USP28: variants seen among roughly 807,000 people sequenced by gnomAD.
USP28 encodes the protein ubiquitin specific peptidase 28, also known as ubiquitin carboxyl-terminal hydrolase 28.
USP28 carries 113 observed loss-of-function variants against 145.0 expected under a neutral mutation model. The observed-to-expected ratio is 0.78, with a 90% CI of 0.67 to 0.91. USP28 has a LOEUF of 0.91. USP28 is among the 40% of genes least tolerant of loss of function. USP28 has a pLI of 0.00. For synonymous variants in USP28, 447 were observed against 450.9 expected, an observed-to-expected ratio of 0.99 and a Z score of 0.11; for missense variants, 1,201 against 1,289.6, an observed-to-expected ratio of 0.93 and a Z score of 1.05.
chr11:113,799,444 T>C (rs1034019682), intron 24 of USP28, 29 bp from the exon 26 acceptor site: 22 of 1,601,904 alleles, frequency 1.4e-5, no homozygotes, highest in South Asian at 4.5e-5. Flanking sequence ...TGGTTACATA[T>C]ACAGCTAAAC....
intron 10 of USP28, 72 bp from the exon 11 acceptor site, chr11:113,827,432 T>C: frequency 6.9e-7 from 1 of 1,447,672 alleles, no homozygotes; most frequent in Non-Finnish European, 9.2e-7. Flanking sequence ...AGATTTAAAA[T>C]ATCTCTCATT....
chr11:113,831,838 A>G, intron 8 of USP28, 82 bp downstream of exon 8: 1 of 1,371,664 alleles, frequency 7.3e-7, no homozygotes, highest in Non-Finnish European at 1.0e-6. Flanking sequence ...ATTTCTAGTT[A>G]AGGAGAGTAA....
exon 3 of USP28, chr11:113,852,529 C>G: frequency 6.2e-7 from 1 of 1,614,122 alleles, no homozygotes; most frequent in Non-Finnish European, 8.5e-7. Flanking sequence ...TGGCAGCACT[C>G]CCCTCTACTT....
chr11:113,832,805 C>G (rs1944155328), intron 7 of USP28, among the ~76,000 whole-genome samples: 1 of 152,132 alleles, frequency 6.6e-6, no homozygotes, highest in Non-Finnish European at 1.5e-5. Context: ...GGGTCTCACT[C>G]TGTCACCCAG....
chr11:113,835,449 G>C (rs1944458361), intron 5 of USP28: 5 of 423,422 alleles, frequency 1.2e-5, no homozygotes, highest in Middle Eastern at 3.6e-4. Context: ...GTACTGACTA[G>C]AGCCCACGTG....
intron 19 of USP28, 90 bp from the exon 21 acceptor site, chr11:113,805,136 A>G (rs912085043): frequency 8.2e-7 from 1 of 1,221,214 alleles, no homozygotes; most frequent in Non-Finnish European, 1.1e-6. Context: ...CAGTCTCTTG[A>G]CTCTAAAAAG....
chr11:113,805,346 C>T (rs1471549138), intron 19 of USP28, among the ~76,000 whole-genome samples: 1 of 150,982 alleles, frequency 6.6e-6, no homozygotes, highest in African/African-American at 2.4e-5. Flanking sequence ...GCCCTGAACT[C>T]CTGGGCTCAG....
chr11:113,832,039 G>C (rs921317754), intron 7 of USP28, 46 bp from the exon 8 acceptor site: 4 of 1,497,334 alleles, frequency 2.7e-6, no homozygotes, highest in Non-Finnish European at 3.7e-6. Context: ...GCAATACTAA[G>C]AGAAATTAAA....
chr11:113,834,451 CT>C, intron 5 of USP28, 116 bp from the exon 6 acceptor site: 1 of 661,282 alleles, frequency 1.5e-6, no homozygotes, highest in Non-Finnish European at 2.3e-6. Context: ...AACTATCAAC[CT>C]GGCAATTTGA....
intron 7 of USP28, 30 bp downstream of exon 7, chr11:113,833,390 T>C (rs758359441): frequency 6.2e-7 from 1 of 1,605,492 alleles, no homozygotes. Flanking sequence ...AGGCATGACT[T>C]CAAACTCAAG....
intron 11 of USP28, among the ~76,000 whole-genome samples, 180 bp downstream of exon 11, chr11:113,827,051 CAA>C (rs1943455162): frequency 1.3e-5 from 2 of 151,878 alleles, no homozygotes; most frequent in Admixed American, 6.6e-5. Flanking sequence ...AGATCAGAAG[CAA>C]CATGAGCACA....
exon 17 of USP28, chr11:113,809,162 C>G: frequency 6.2e-7 from 1 of 1,614,228 alleles, no homozygotes; most frequent in Non-Finnish European, 8.5e-7. Flanking sequence ...ACTTCCTGCT[C>G]AAACCGCCAG....
intron 3 of USP28, among the ~76,000 whole-genome samples, chr11:113,849,007 A>G (rs1323446380): frequency 2.6e-5 from 4 of 152,216 alleles, no homozygotes; most frequent in East Asian, 1.9e-4. Flanking sequence ...AGCTACCCCT[A>G]TAATTGAGGA....
exon 17 of USP28, chr11:113,809,164 A>G (rs1440787830): frequency 6.2e-7 from 1 of 1,613,864 alleles, no homozygotes; most frequent in Non-Finnish European, 8.5e-7. Context: ...TTCCTGCTCA[A>G]ACCGCCAGTT....
chr11:113,801,687 A>G lies in USP28; in HGVS notation c.2863-9T>C, dbSNP rs1939051325. 6.4e-7 allele frequency: 1 copy of G among 1,552,388 alleles called. No individual in the cohort carries two copies. Among genetic ancestry groups the G allele is most frequent in the Non-Finnish European group, 8.8e-7 (1 of 1,135,766 alleles). On this transcript the variant is annotated splice_polypyrimidine_tract_variant and intron_variant, in intron 23 of 24. Transcript: ENST00000003302. ...GCTTTGGCATTCAGCTCCTACAGAT[A>G]AAAGGTAGAATTAGGTGGGGAAGAG...
chr11:113,835,160 G>C (rs1443851714), intron 5 of USP28: 1 of 416,460 alleles, frequency 2.4e-6, no homozygotes, highest in East Asian at 7.0e-5. Flanking sequence ...ACTGGAGAGA[G>C]GGATTCTTTT....
intron 3 of USP28, among the ~76,000 whole-genome samples, chr11:113,851,494 CA>C (rs2136438223): frequency 6.6e-6 from 1 of 152,266 alleles, no homozygotes; most frequent in Admixed American, 6.5e-5. Flanking sequence ...CTCCCCTGCA[CA>C]TTCTTAAAAG....
At chr11:113,833,041 T>C (rs1402359185) in intron 7 of USP28, among the ~76,000 whole-genome samples, 2 of 152,200 alleles carry the variant, frequency 1.3e-5, no homozygotes, top group African/African-American at 2.4e-5. Flanking sequence ...AAAGATACTA[T>C]TTCCATCTGG....
chr11:113,840,894 A>C, intron 4 of USP28, 137 bp from the exon 5 acceptor site: 1 of 1,098,902 alleles, frequency 9.1e-7, no homozygotes, highest in East Asian at 2.6e-5. Flanking sequence ...TAGCTATATA[A>C]GGAACTGTAA....
Sources: allele counts gnomAD v4.1 joint callset (sites outside exome capture counted in the v4.1 genomes callset), GRCh38; gene constraint gnomAD v4.1.1; transcripts MANE v1.5; gene names NCBI Gene and HGNC (gene_info 2026-07-23, HGNC 2026-07-21).